The following DENND4A variants were observed in gnomAD, a reference collection of about 807,000 sequenced individuals.
DENND4A encodes C-myc promoter-binding protein.
DENND4A carries 70 observed loss-of-function variants against 199.3 expected under a neutral mutation model. The observed-to-expected ratio is 0.35, with a 90% confidence interval of 0.29 to 0.43. The LOEUF (loss-of-function observed/expected upper bound fraction) is 0.43, where lower values mean the gene tolerates loss of function less well. Among genes scored for constraint, DENND4A ranks in the 20% least tolerant of loss-of-function variants. DENND4A has a pLI of 1.00. For synonymous variants in DENND4A, 686 were observed against 766.9 expected (o/e 0.89, Z 1.74); for missense variants, 1,723 against 2,255.8 (o/e 0.76, Z 4.78).
rs61418354 is a variant in DENND4A, at chr15:65,752,281, CAAAAAAAAAAAAAAAAAAA to C, written c.561+79_561+97del. On this transcript the variant is annotated intron_variant, in intron 4 of 32. Transcript: ENST00000443035. ...TCTGTAATTAAACTATGCTGTTTTC[CAAAAAAAAAAAAAAAAAAA>C]AAAAAAAAAAAAAGATGTATTTAAA... 2.2e-4 allele frequency: 60 copies of C among 272,676 alleles called. 3 individuals carry two copies. The highest frequency in any genetic ancestry group is 1.4e-3 in the Middle Eastern group (1 of 708). The allele number at this position is 272,676 out of a possible 1,614,324, so 16.9% of individuals were successfully genotyped here.
intron 23 of DENND4A, among the ~76,000 whole-genome samples, chr15:65,687,182 G>A (rs1253506900): frequency 1.3e-5 from 2 of 151,958 alleles, no homozygotes; most frequent in East Asian, 1.9e-4. Flanking sequence ...TTTTAACTCA[G>A]TGCTCCAGGG....
chr15:65,750,919 G>A (rs2076545206), intron 4 of DENND4A, among the ~76,000 whole-genome samples: 1 of 152,130 alleles, frequency 6.6e-6, no homozygotes, highest in Non-Finnish European at 1.5e-5. Flanking sequence ...ATGATAGAGA[G>A]AGCAGAAGTG....
chr15:65,737,338 C>T (rs1251635158), intron 7 of DENND4A, among the ~76,000 whole-genome samples: 3 of 151,922 alleles, frequency 2.0e-5, no homozygotes, highest in African/African-American at 2.4e-5. Flanking sequence ...AGATTATGGG[C>T]GTGAACTATT....
Position 65,667,970 on chromosome 15 carries a change from C to A in DENND4A, c.4941G>T (p.Lys1647Asn), listed in dbSNP as rs751809446. The A allele has an allele frequency of 1.2e-6, 2 of 1,611,006 alleles. No homozygotes were observed. Among genetic ancestry groups the A allele is most frequent in the East Asian group, 4.5e-5 (2 of 44,868 alleles). ...PLDKEDTGRQ[K>N]LISTGSLPAT... Reference sequence around the variant, plus strand: ...CTGGCAGGCTGCCTGTAGAAATGAGCTTCTGTCTTCCAGTATCTTCCTTAT... The same window carrying A: ...CTGGCAGGCTGCCTGTAGAAATGAGATTCTGTCTTCCAGTATCTTCCTTAT... The change falls in exon 28 of 33, where the codon AAG becomes AAT. Residue 1647 changes from lysine to asparagine, a missense_variant. By Grantham distance (94) the Lys-to-Asn change is moderately conservative. Transcript: ENST00000443035.
At chr15:65,700,888 A>G (rs2074845507) in intron 19 of DENND4A, among the ~76,000 whole-genome samples, 163 bp downstream of exon 19, 1 of 152,250 alleles carries the variant, frequency 6.6e-6, no homozygotes, top group African/African-American at 2.4e-5. Flanking sequence ...TTTAAACAGA[A>G]GTGAAATCTG....
chr15:65,730,574 T>C (rs929375683), intron 9 of DENND4A, among the ~76,000 whole-genome samples: 2 of 152,080 alleles, frequency 1.3e-5, no homozygotes, highest in Non-Finnish European at 2.9e-5. Flanking sequence ...TGAGGCAACA[T>C]AGATAGACCT....
At chr15:65,773,867 GT>G (rs1396097280) in intron 1 of DENND4A, among the ~76,000 whole-genome samples, 2 of 152,046 alleles carry the variant, frequency 1.3e-5, no homozygotes, top group African/African-American at 4.8e-5. Context: ...TTTTTTGTTT[GT>G]TTGTTTTTGG....
intron 1 of DENND4A, among the ~76,000 whole-genome samples, chr15:65,761,826 ATAC>A (rs2076857379): frequency 6.6e-6 from 1 of 152,190 alleles, no homozygotes; most frequent in Non-Finnish European, 1.5e-5. Flanking sequence ...GGAAAAATGT[ATAC>A]ATTTAACATA....
chr15:65,768,606 T>C (rs2077044235), intron 1 of DENND4A, among the ~76,000 whole-genome samples: 1 of 152,194 alleles, frequency 6.6e-6, no homozygotes, highest in African/African-American at 2.4e-5. Context: ...GCTTTTTTCA[T>C]TCTACAATGT....
chr15:65,676,724 C>G, intron 23 of DENND4A, 90 bp from the exon 24 acceptor site: 1 of 999,704 alleles, frequency 1.0e-6, no homozygotes, highest in South Asian at 2.0e-5. Flanking sequence ...CACTTATCAC[C>G]TAACTACCCA....
intron 23 of DENND4A, among the ~76,000 whole-genome samples, chr15:65,677,659 T>C (rs1194117016): frequency 2.0e-5 from 3 of 152,234 alleles, no homozygotes; most frequent in Non-Finnish European, 4.4e-5. Flanking sequence ...GATTATTATT[T>C]TTTTTGTTCA....
intron 2 of DENND4A, among the ~76,000 whole-genome samples, chr15:65,760,301 A>T (rs2076819326): frequency 6.6e-6 from 1 of 152,092 alleles, no homozygotes; most frequent in East Asian, 1.9e-4. Context: ...GTTCGAGACC[A>T]GGCTGGCTAA....
intron 12 of DENND4A, among the ~76,000 whole-genome samples, chr15:65,720,779 C>T (rs973382301): frequency 2.6e-5 from 4 of 151,124 alleles, no homozygotes; most frequent in South Asian, 4.2e-4. Flanking sequence ...AGCTACTATA[C>T]GCCTCCTTCA....
intron 12 of DENND4A, among the ~76,000 whole-genome samples, chr15:65,721,866 T>C (rs1467994972): frequency 1.3e-5 from 2 of 152,060 alleles, no homozygotes; most frequent in African/African-American, 4.8e-5. Context: ...CCAACAAGAT[T>C]AGATAAAGAA....
intron 22 of DENND4A, among the ~76,000 whole-genome samples, chr15:65,693,430 C>T (rs2077041196): frequency 6.6e-6 from 1 of 152,078 alleles, no homozygotes; most frequent in African/African-American, 2.4e-5. Context: ...TCTGAATTTC[C>T]TGTTTGAGAA....
intron 31 of DENND4A, 65 bp from the exon 32 acceptor site, chr15:65,664,459 A>T: frequency 1.3e-6 from 2 of 1,517,332 alleles, no homozygotes; most frequent in Non-Finnish European, 1.8e-6. Flanking sequence ...CCTATAAAAA[A>T]TTTAATGCTA....
intron 14 of DENND4A, among the ~76,000 whole-genome samples, chr15:65,712,082 G>A (rs1438406980): frequency 6.6e-6 from 1 of 152,174 alleles, no homozygotes; most frequent in Non-Finnish European, 1.5e-5. Context: ...AGCAGGTAAT[G>A]GCATGTATCC....
At chr15:65,729,920 T>C (rs1203841722) in intron 9 of DENND4A, among the ~76,000 whole-genome samples, 1 of 152,180 alleles carries the variant, frequency 6.6e-6, no homozygotes, top group Non-Finnish European at 1.5e-5. Context: ...CATTCTTTTG[T>C]ACTGTATTCA....
intron 4 of DENND4A, among the ~76,000 whole-genome samples, chr15:65,749,076 T>C (rs1190126397): frequency 2.0e-5 from 3 of 152,052 alleles, no homozygotes; most frequent in African/African-American, 7.2e-5. Flanking sequence ...GACCCAATTG[T>C]TGACAAAATT....
Sources: gnomAD v4.1 joint callset for allele counts (sites outside exome capture counted in the v4.1 genomes callset) on GRCh38, gnomAD v4.1.1 for gene constraint, MANE v1.5 for transcripts, NCBI Gene and HGNC (gene_info 2026-07-23, HGNC 2026-07-21) for gene names.